COL22A1: variants seen among roughly 807,000 people sequenced by gnomAD.
COL22A1 encodes the protein collagen alpha-1(XXII) chain.
In COL22A1, 221 loss-of-function variants were observed where a neutral mutation model predicts 248.9. The ratio of observed to expected loss-of-function variants is 0.89; its 90% CI spans 0.80 to 0.99. COL22A1 has a LOEUF of 0.99. COL22A1 is among the 50% of genes least tolerant of loss of function. The pLI is 0.00. For missense variants in COL22A1, 2,240 were observed against 2,179.0 expected, an observed-to-expected ratio of 1.03 and a Z score of -0.56; for synonymous variants, 891 against 793.4, an observed-to-expected ratio of 1.12 and a Z score of -2.07.
intron 46 of COL22A1, 68 bp from the exon 47 acceptor site, chr8:138,646,750 A>T: frequency 8.5e-7 from 1 of 1,181,622 alleles, no homozygotes; most frequent in Non-Finnish European, 1.2e-6. Flanking sequence ...CAGGGTCATC[A>T]CCATGCCATC....
intron 45 of COL22A1, among the ~76,000 whole-genome samples, chr8:138,650,227 T>C (rs973147566): frequency 5.3e-5 from 8 of 152,172 alleles, no homozygotes; most frequent in African/African-American, 1.9e-4. Context: ...CATTTGCCCG[T>C]CAAGTGGTTT....
intron 52 of COL22A1, among the ~76,000 whole-genome samples, chr8:138,623,198 G>A (rs1819948356): frequency 6.7e-6 from 1 of 150,292 alleles, no homozygotes; most frequent in Non-Finnish European, 1.5e-5. Context: ...AAACCAAAAT[G>A]AGAAAACCCT....
At chr8:138,796,724 C>G (rs188881189) in intron 12 of COL22A1, 95 bp downstream of exon 12, 1 of 878,624 alleles carries the variant, frequency 1.1e-6, no homozygotes, top group Non-Finnish European at 1.9e-6. Flanking sequence ...CACTCGAATT[C>G]TTTCCAGGCA....
chr8:138,702,383 T>C (rs1175471515), intron 31 of COL22A1, among the ~76,000 whole-genome samples: 3 of 152,190 alleles, frequency 2.0e-5, no homozygotes, highest in African/African-American at 7.2e-5. Context: ...TGTGGAATAA[T>C]GATTTCGGTG....
chr8:138,761,388 T>A (rs990422587), intron 17 of COL22A1, among the ~76,000 whole-genome samples: 1 of 152,204 alleles, frequency 6.6e-6, no homozygotes. Context: ...AATATTTTTT[T>A]AAATGGTTCC....
chr8:138,694,947 C>T (rs1202352707), intron 32 of COL22A1, 68 bp from the exon 33 acceptor site: 1 of 1,510,160 alleles, frequency 6.6e-7, no homozygotes, highest in Non-Finnish European at 9.1e-7. Flanking sequence ...GGGTACATGT[C>T]CCCAGCTCCG....
chr8:138,893,446 G>C (rs758444208), intron 1 of COL22A1, among the ~76,000 whole-genome samples: 1 of 152,154 alleles, frequency 6.6e-6, no homozygotes, highest in East Asian at 1.9e-4. Flanking sequence ...AACGAGTTAC[G>C]ATATATAAAA....
chr8:138,622,549 C>T (rs958707287), intron 52 of COL22A1, among the ~76,000 whole-genome samples: 1 of 151,978 alleles, frequency 6.6e-6, no homozygotes, highest in Non-Finnish European at 1.5e-5. Flanking sequence ...AATAAAATAC[C>T]ATGGAAAAGA....
intron 10 of COL22A1, among the ~76,000 whole-genome samples, chr8:138,804,596 C>T (rs1034981935): frequency 2.0e-5 from 3 of 152,240 alleles, no homozygotes; most frequent in Non-Finnish European, 2.9e-5. Context: ...GCAGAAACCC[C>T]TGCCATCCTC....
intron 2 of COL22A1, among the ~76,000 whole-genome samples, chr8:138,878,695 A>G (rs1823942567): frequency 6.6e-6 from 1 of 152,196 alleles, no homozygotes; most frequent in South Asian, 2.1e-4. Context: ...AGAAGTCAGA[A>G]AATGCAATCA....
chr8:138,624,266 G>A (rs951143851), intron 51 of COL22A1, among the ~76,000 whole-genome samples: 2 of 152,244 alleles, frequency 1.3e-5, no homozygotes, highest in South Asian at 4.2e-4. Flanking sequence ...ATGACAGCAA[G>A]GAGCACGTTT....
chr8:138,772,299 G>A (rs867867737), intron 16 of COL22A1, among the ~76,000 whole-genome samples: 2 of 152,198 alleles, frequency 1.3e-5, no homozygotes. Context: ...AATAAGGTGC[G>A]TTATGTTAAA....
intron 35 of COL22A1, among the ~76,000 whole-genome samples, chr8:138,691,186 A>C (rs906597358): frequency 2.6e-5 from 4 of 152,200 alleles, no homozygotes; most frequent in Non-Finnish European, 5.9e-5. Flanking sequence ...GGACCTAACC[A>C]CAGAAGAGGA....
At chr8:138,603,014 C>A (rs1047777622) in intron 59 of COL22A1, among the ~76,000 whole-genome samples, 1 of 152,242 alleles carries the variant, frequency 6.6e-6, no homozygotes, top group Non-Finnish European at 1.5e-5. Flanking sequence ...GAAGGAAATT[C>A]AGCCCGGGGG....
At chr8:138,830,787 A>AT (rs908523606) in intron 5 of COL22A1, among the ~76,000 whole-genome samples, 8 of 151,666 alleles carry the variant, frequency 5.3e-5, no homozygotes, top group Admixed American at 2.0e-4. Context: ...GTTCCATGTG[A>AT]TTTTTTTCTG....
chr8:138,694,532 C>T lies in COL22A1; in HGVS notation c.2676G>A (p.Gly892=), dbSNP rs1379412006. The part of the protein sequence containing the change: ...PGLQGRPGEL[G]PQGPTGPPGA... ...CCGGTGGTCCAGTGGGTCCCTGAGG[C>T]CCCAATTCTCCAGGACGGCCCTGCA... The change falls in exon 34 of 65, where the codon GGG becomes GGA. Residue 892 remains glycine (G), a synonymous_variant. Coordinates refer to ENST00000303045, the MANE Select transcript of COL22A1 (RefSeq NM_152888.3). The T allele has an allele frequency of 9.3e-6, 15 of 1,613,996 alleles. No homozygotes were observed. Among genetic ancestry groups the T allele is most frequent in the Non-Finnish European group, 1.1e-5 (13 of 1,179,936 alleles).
intron 41 of COL22A1, among the ~76,000 whole-genome samples, chr8:138,668,463 C>A (rs796463694): frequency 2.5e-4 from 38 of 152,324 alleles, no homozygotes; most frequent in African/African-American, 8.9e-4. Context: ...TACACATGCA[C>A]AGCCATGCTA....
chr8:138,819,863 C>T (rs1818963763), intron 7 of COL22A1, among the ~76,000 whole-genome samples: 1 of 151,852 alleles, frequency 6.6e-6, no homozygotes, highest in East Asian at 1.9e-4. Flanking sequence ...AATCATTAAA[C>T]TTGAGGGTAC....
intron 18 of COL22A1, 25 bp downstream of exon 18, chr8:138,760,218 C>A: frequency 6.4e-7 from 1 of 1,552,110 alleles, no homozygotes; most frequent in East Asian, 2.5e-5. Context: ...GGCACAGAGC[C>A]CTTGACAGCC....
Sources: allele counts gnomAD v4.1 joint callset (sites outside exome capture counted in the v4.1 genomes callset), GRCh38; gene constraint gnomAD v4.1.1; transcripts MANE v1.5; gene names NCBI Gene and HGNC (gene_info 2026-07-23, HGNC 2026-07-21).